Variants in BNIP5 observed in about 807,000 individuals in gnomAD.
BNIP5 encodes the protein BCL2 interacting protein 5.
In BNIP5, 61 loss-of-function variants were observed where a neutral mutation model predicts 67.3. The ratio of observed to expected loss-of-function variants is 0.91; its 90% CI spans 0.74 to 1.12. BNIP5 has a LOEUF of 1.12. BNIP5 is among the 50% of genes most tolerant of loss of function. BNIP5 has a pLI of 0.00. For missense variants in BNIP5, 826 were observed against 816.3 expected (o/e 1.01, Z -0.14); for synonymous variants, 317 against 319.0 (o/e 0.99, Z 0.07).
At chr6:36,318,672 G>A (rs559734157) in intron 11 of BNIP5, among the ~76,000 whole-genome samples, 26 of 152,168 alleles carry the variant, frequency 1.7e-4, no homozygotes, top group Non-Finnish European at 2.1e-4. Flanking sequence ...GCAGTGAACC[G>A]TGATTACACC....
chr6:36,324,174 CT>C lies in BNIP5; in HGVS notation c.1184del (p.Lys395ArgfsTer27), dbSNP rs1354030139. 1 of 1,613,792 alleles carries C rather than the reference CT, an allele frequency of 6.2e-7. No individual in the cohort carries two copies. The highest frequency in any genetic ancestry group is 2.2e-5 in the East Asian group (1 of 44,868). ...CTGCATCTTGGAGCATGGAAATGAT[CT>C]TCTGAATGAATTCTTCTGAAAAAGA... ...RASEYKEFIQ[K>X]IISMLQDAEE... On this transcript the variant is annotated frameshift_variant, in exon 7 of 12. Coordinates refer to ENST00000437635, the MANE Select transcript of BNIP5 (RefSeq NM_001010903.5). LOFTEE classifies it high-confidence loss of function.
At chr6:36,328,521 C>A (rs1292530969) in intron 3 of BNIP5, 77 bp downstream of exon 3, 7 of 878,134 alleles carry the variant, frequency 8.0e-6, no homozygotes, top group South Asian at 6.9e-5. Context: ...TCTCAGTAAT[C>A]ATTCAGAACA....
intron 6 of BNIP5, 46 bp downstream of exon 6, chr6:36,325,237 C>T (rs1179551036): frequency 1.9e-6 from 3 of 1,605,036 alleles, no homozygotes; most frequent in African/African-American, 1.3e-5. Flanking sequence ...GGAGTCAGAA[C>T]AGAAGTTTTG....
In BNIP5 at chr6:36,330,639, A is replaced by AC. The variant is rs758106027; in HGVS notation, c.51dup (p.Ser18ValfsTer37). On this transcript the variant is annotated frameshift_variant, in exon 2 of 12. Coordinates refer to ENST00000437635, the MANE Select transcript of BNIP5 (RefSeq NM_001010903.5). LOFTEE classifies it high-confidence loss of function. ...CCGGGGGCCTGCGGCCTGTCCAGAG[A>AC]CCTGGCTTTCTTCTCCGCCAGGGGC... 1.9e-6 allele frequency: 3 copies of AC among 1,604,248 alleles called. No individual in the cohort carries two copies. Among genetic ancestry groups the AC allele is most frequent in the Admixed American group, 1.7e-5 (1 of 59,590 alleles).
chr6:36,322,255 A>G (rs1226005111), intron 9 of BNIP5, 56 bp downstream of exon 9: 4 of 1,607,588 alleles, frequency 2.5e-6, no homozygotes, highest in Non-Finnish European at 3.4e-6. Flanking sequence ...TGTGAACTCC[A>G]TGTGGAAGAG....
chr6:36,325,504 C>T (rs926967491), intron 5 of BNIP5, 90 bp from the exon 6 acceptor site: 55 of 1,468,952 alleles, frequency 3.7e-5, no homozygotes, highest in Middle Eastern at 4.0e-4. Context: ...AAGTGGGCTC[C>T]GTGGCTGGAT....
chr6:36,325,223 TGG>T, intron 6 of BNIP5, 58 bp downstream of exon 6: 1 of 1,558,550 alleles, frequency 6.4e-7, no homozygotes, highest in Non-Finnish European at 8.8e-7. Context: ...TCTTTGCAAG[TGG>T]GGGAGTCAGA....
At position 36,316,715 on chromosome 6, in the gene BNIP5, G is replaced by A. The variant is rs1771522633; in HGVS notation, c.*641C>T. 1 of 398,724 alleles carries A rather than the reference G, an allele frequency of 2.5e-6. No homozygotes were observed. Among genetic ancestry groups the A allele is most frequent in the Non-Finnish European group, 4.4e-6 (1 of 226,158 alleles). The allele number at this position is 398,724 out of a possible 1,614,324, so 24.7% of individuals were successfully genotyped here. A position where few individuals can be genotyped will look rare whatever the true frequency, so the allele number is the denominator to read the frequency against. On this transcript the variant is annotated 3_prime_UTR_variant, in exon 12 of 12. Coordinates refer to ENST00000437635, the MANE Select transcript of BNIP5 (RefSeq NM_001010903.5). ...GCCAATCCCATGAGATGGGAGAGGT[G>A]CAAGGTATCAGCTCCATTTCTCTAG...
chr6:36,319,687 A>G, intron 10 of BNIP5, 77 bp from the exon 11 acceptor site: 1 of 1,532,206 alleles, frequency 6.5e-7, no homozygotes. Context: ...CCACAACTCC[A>G]TGCAGCCAGG....
chr6:36,326,868 G>T, intron 4 of BNIP5, 115 bp from the exon 5 acceptor site: 1 of 1,495,996 alleles, frequency 6.7e-7, no homozygotes, highest in Non-Finnish European at 9.3e-7. Context: ...AGGGGAGGCA[G>T]CAGAGCCCAG....
intron 10 of BNIP5, 139 bp downstream of exon 10, chr6:36,321,016 T>C: frequency 1.6e-6 from 1 of 616,176 alleles, no homozygotes; most frequent in Non-Finnish European, 2.9e-6. Context: ...TTCTCTCTCA[T>C]TTTGGAAAAG....
chr6:36,316,446 T>G lies in BNIP5; in HGVS notation c.*910A>C. The G allele has an allele frequency of 2.5e-6, 1 of 398,488 alleles. No individual in the cohort carries two copies. Among genetic ancestry groups the G allele is most frequent in the Non-Finnish European group, 4.4e-6 (1 of 226,064 alleles). 24.7% of individuals were successfully genotyped at this position (398,488 alleles called of 1,614,324 possible). A position where few individuals can be genotyped will look rare whatever the true frequency, so the allele number is the denominator to read the frequency against. On this transcript the variant is annotated 3_prime_UTR_variant, in exon 12 of 12. Transcript: ENST00000437635. ...TAGCCCTTTTCTCAAGACATGTTAC[T>G]GCTACCAGCTGCAAAACTGTCATGA...
rs1032191170 is a variant in BNIP5, at chr6:36,330,636, G to A, written c.55C>T (p.Leu19=). The A allele has an allele frequency of 6.2e-7, 1 of 1,605,978 alleles. No individual in the cohort carries two copies. Among genetic ancestry groups the A allele is most frequent in the African/African-American group, 1.3e-5 (1 of 75,004 alleles). The change falls in exon 2 of 12, where the codon CTG becomes TTG. Residue 19 remains leucine, a synonymous_variant. Transcript: ENST00000437635. ...RPLAEKKARS[L]DRPQAPGKGS... ...TTCCCGGGGGCCTGCGGCCTGTCCA[G>A]AGACCTGGCTTTCTTCTCCGCCAGG...
chr6:36,330,354 C>T lies in BNIP5; in HGVS notation c.337G>A (p.Glu113Lys), dbSNP rs760559976. ...CTGCTGGCCTTTTCTCTGGGCTCCT[C>T]AGGGCCCGTCCTCACGAAGAAGTTC... Reference protein sequence around the residue: ...MLNFFVRTGPEEPREKASRRP... With the variant: ...MLNFFVRTGPKEPREKASRRP... Residue 113 changes from glutamate to lysine, a missense_variant, in exon 2 of 12, where the codon GAG (glutamate) becomes AAG (lysine). Physicochemically the swap from Glu to Lys is moderately conservative, Grantham distance 56 (BLOSUM62 1). Coordinates refer to ENST00000437635, the MANE Select transcript of BNIP5 (RefSeq NM_001010903.5). 6.2e-7 allele frequency: 1 copy of T among 1,614,188 alleles called. No individual in the cohort carries two copies. The highest frequency in any genetic ancestry group is 8.5e-7 in the Non-Finnish European group (1 of 1,180,032).
At chr6:36,330,744 ATTTGTTTG>A (rs572213877) in intron 1 of BNIP5, 50 bp from the exon 2 acceptor site, 17 of 1,509,432 alleles carry the variant, frequency 1.1e-5, no homozygotes, top group East Asian at 9.1e-5. Flanking sequence ...GTTTGTTTTG[ATTTGTTTG>A]TTTGTTTGTT....
intron 1 of BNIP5, among the ~76,000 whole-genome samples, chr6:36,332,332 GC>G (rs201999509): frequency 0.012 from 1,698 of 144,034 alleles, 25 homozygotes; most frequent in South Asian, 0.055. Flanking sequence ...TCCCATCGAG[GC>G]CCTCCCTGCC....
At chr6:36,326,981 G>A (rs1390232936) in intron 4 of BNIP5, 49 bp downstream of exon 4, 2 of 1,536,406 alleles carry the variant, frequency 1.3e-6, no homozygotes, top group East Asian at 2.2e-5. Flanking sequence ...CAGAGGAGGA[G>A]GAGGAGAAGG....
In BNIP5 at chr6:36,323,365, G is replaced by A. The variant is rs376643255; in HGVS notation, c.1399C>T (p.Arg467Ter). 10 of 1,614,146 alleles carry A rather than the reference G, an allele frequency of 6.2e-6. No homozygotes were observed. The highest frequency in any genetic ancestry group is 1.1e-5 in the South Asian group (1 of 91,094). ...GAAGAASPEARRPKRPSFLPL... is the reference protein window; with the variant it reads ...GAAGAASPEA ...AGAAAGCTGGGCCTCTTGGGTCGTC[G>A]GGCCTCTGGGCTGGCAGCCCCTGCT... is the stretch of plus-strand genomic sequence containing the variant. The change falls in exon 8 of 12, where the codon CGA becomes TGA. Residue 467 changes from arginine to a stop codon, truncating the protein, a stop_gained. Coordinates refer to ENST00000437635, the MANE Select transcript of BNIP5 (RefSeq NM_001010903.5). LOFTEE classifies it high-confidence loss of function.
intron 1 of BNIP5, 97 bp from the exon 2 acceptor site, chr6:36,330,791 C>A: frequency 6.9e-7 from 1 of 1,442,156 alleles, no homozygotes; most frequent in Non-Finnish European, 9.1e-7. Flanking sequence ...TATGACGGAG[C>A]CTCGGTCTAT....
Sources: allele counts gnomAD v4.1 joint callset (sites outside exome capture counted in the v4.1 genomes callset), GRCh38; gene constraint gnomAD v4.1.1; transcripts MANE v1.5; gene names NCBI Gene and HGNC (gene_info 2026-07-23, HGNC 2026-07-21).